Variants in ZC3HAV1 observed in about 807,000 individuals in gnomAD.
The protein encoded by ZC3HAV1 is zinc finger CCCH-type containing, antiviral 1, also known as zinc finger CCCH-type antiviral protein 1.
ZC3HAV1 carries 41 observed loss-of-function variants against 86.6 expected under a neutral mutation model. The ratio of observed to expected loss-of-function variants is 0.47; its 90% CI spans 0.37 to 0.61. ZC3HAV1 has a LOEUF of 0.61. ZC3HAV1 is among the 20% of genes least tolerant of loss of function. The pLI is 0.00. For missense variants in ZC3HAV1, 964 were observed against 1,141.1 expected, an observed-to-expected ratio of 0.84 and a Z score of 2.24; for synonymous variants, 421 against 432.1, an observed-to-expected ratio of 0.97 and a Z score of 0.32.
intron 12 of ZC3HAV1, chr7:139,049,389 G>C (rs911886405): frequency 1.3e-5 from 2 of 152,002 alleles, no homozygotes; most frequent in Non-Finnish European, 2.9e-5. Flanking sequence ...TTCTTCTTTT[G>C]AGAAATGTCT....
At chr7:139,066,772 A>C (rs1816617463) in intron 7 of ZC3HAV1, among the ~76,000 whole-genome samples, 1 of 152,116 alleles carries the variant, frequency 6.6e-6, no homozygotes, top group African/African-American at 2.4e-5. Context: ...CACTAGCTGA[A>C]TCGCTTCCCA....
At chr7:139,054,280 G>A (rs747914726) in intron 10 of ZC3HAV1, among the ~76,000 whole-genome samples, 185 bp from the exon 11 acceptor site, 1 of 152,124 alleles carries the variant, frequency 6.6e-6, no homozygotes, top group Non-Finnish European at 1.5e-5. Flanking sequence ...GAGAGGCAGC[G>A]GGCCTGTCTG....
At chr7:139,061,750 A>C (rs1460617962) in intron 8 of ZC3HAV1, among the ~76,000 whole-genome samples, 1 of 152,248 alleles carries the variant, frequency 6.6e-6, no homozygotes, top group Non-Finnish European at 1.5e-5. Flanking sequence ...CTGTATCCAC[A>C]CAAAGATGTG....
At position 139,104,721 on chromosome 7, in the gene ZC3HAV1, CAAAAAAA is replaced by C. The variant is rs1157897700; in HGVS notation, c.308+4296_308+4302del. Among the ~76,000 whole-genome samples the C allele has an allele frequency of 9.4e-4, 18 of 19,248 alleles. No individual in the cohort carries two copies. In the South Asian group the frequency reaches 0.013, roughly 14 times the overall value. The allele number at this position is 19,248 out of a possible 152,430, so 12.6% of individuals were successfully genotyped here. A position where few individuals can be genotyped will look rare whatever the true frequency, so the allele number is the denominator to read the frequency against. On this transcript the variant is annotated intron_variant, in intron 1 of 12. Coordinates refer to ENST00000242351, the MANE Select transcript of ZC3HAV1 (RefSeq NM_020119.4). The stretch of plus-strand genomic sequence containing the variant: ...CTGGCAACAGAGCGAGACTCTGTCA[CAAAAAAA>C]AAAAAAAAAAAAAAAAAAGTCAAAC...
chr7:139,054,052 C>CT lies in ZC3HAV1; in HGVS notation c.2230dup (p.Ser744LysfsTer2). Reference sequence around the variant, plus strand: ...TTTCATGGAAGCTTTAAAATGCTCACTTACTCTGACATATTCTGGATGTAG... The same window carrying CT: ...TTTCATGGAAGCTTTAAAATGCTCACTTTACTCTGACATATTCTGGATGTAG... On this transcript the variant is annotated frameshift_variant, in exon 11 of 13. Transcript: ENST00000242351. LOFTEE classifies it high-confidence loss of function. 1 of 1,605,770 alleles carries CT rather than the reference C, an allele frequency of 6.2e-7. No individual in the cohort carries two copies. The highest frequency in any genetic ancestry group is 8.5e-7 in the Non-Finnish European group (1 of 1,177,974).
chr7:139,105,075 A>ATGGT (rs1213507663), intron 1 of ZC3HAV1, among the ~76,000 whole-genome samples: 2 of 150,826 alleles, frequency 1.3e-5, no homozygotes, highest in African/African-American at 4.9e-5. Flanking sequence ...TTAGCCGGAC[A>ATGGT]TGGTGGCGCC....
At chr7:139,076,510 C>A in intron 5 of ZC3HAV1, 101 bp from the exon 6 acceptor site, 1 of 1,479,598 alleles carries the variant, frequency 6.8e-7, no homozygotes. Context: ...CTGCCCTGCC[C>A]CCTGCCAGAC....
intron 1 of ZC3HAV1, among the ~76,000 whole-genome samples, chr7:139,090,033 C>G (rs978457801): frequency 9.2e-5 from 14 of 152,106 alleles, no homozygotes; most frequent in Non-Finnish European, 1.8e-4. Context: ...AATCCTCCTG[C>G]CTCAGCCTCC....
At chr7:139,051,966 GTT>G (rs796648556) in intron 12 of ZC3HAV1, among the ~76,000 whole-genome samples, 1 of 147,566 alleles carries the variant, frequency 6.8e-6, no homozygotes, top group Non-Finnish European at 1.5e-5. Context: ...CTGATTCTTA[GTT>G]TTTTTTTTGT....
At position 139,109,164 on chromosome 7, in the gene ZC3HAV1, G is replaced by C; in HGVS notation, c.168C>G (p.Gly56=). The change falls in exon 1 of 13, where the codon GGC becomes GGG. Residue 56 remains glycine, a synonymous_variant. Transcript: ENST00000242351. ...CCACCGATCGGGTGATCCCGGCCTC[G>C]CCGCCGGTCTCCAACACCACAAAGC... ...PDRFVVLETG[G]EAGITRSVVA... is the part of the protein sequence containing the mutation. 1 of 1,596,652 alleles carries C rather than the reference G, an allele frequency of 6.3e-7. No homozygotes were observed.
rs113527656 is a variant in ZC3HAV1, at chr7:139,067,099, C to T, written c.1873-2100G>A. On this transcript the variant is annotated intron_variant, in intron 7 of 12. Transcript: ENST00000242351. Reference sequence around the variant, plus strand: ...TCTGTGGTGATGAAAATGTTCTCTGCGCTGTCCTATATGATATGTAGGGGA... The same window carrying T: ...TCTGTGGTGATGAAAATGTTCTCTGTGCTGTCCTATATGATATGTAGGGGA... 2.9e-3 allele frequency among the ~76,000 whole-genome samples: 436 copies of T among 152,202 alleles called. 2 individuals are homozygous for T. Among genetic ancestry groups the T allele is most frequent in the African/African-American group, 0.01 (430 of 41,518 alleles).
rs143317430 is a variant in ZC3HAV1, at chr7:139,078,560, G to A, written c.1565C>T (p.Pro522Leu). 1.6e-5 allele frequency: 25 copies of A among 1,593,126 alleles called. No homozygotes were observed. The highest frequency in any genetic ancestry group is 1.1e-4 in the Admixed American group (6 of 53,642). The change falls in exon 5 of 13, where the codon CCG (proline) becomes CTG (leucine). Residue 522 changes from proline to leucine, a missense_variant. Transcript: ENST00000242351. ...GTCCTTAGGTTACTCACCATTAAGC[G>A]GACAACCCTTACACAGATGGTCAAG... ...ICLDHLCKGCPLNGSCSKVHF... is the reference protein window; with the variant it reads ...ICLDHLCKGCLLNGSCSKVHF...
chr7:139,092,388 T>C (rs916647669), intron 1 of ZC3HAV1, among the ~76,000 whole-genome samples: 13 of 152,178 alleles, frequency 8.5e-5, no homozygotes, highest in African/African-American at 3.1e-4. Flanking sequence ...AGGGAGAGTC[T>C]AAAGACAGGG....
Position 139,083,778 on chromosome 7 carries a change from A to T in ZC3HAV1, c.697+2T>A. 1 of 1,598,540 alleles carries T rather than the reference A, an allele frequency of 6.3e-7. No homozygotes were observed. Among genetic ancestry groups the T allele is most frequent in the Non-Finnish European group, 8.5e-7 (1 of 1,171,202 alleles). On this transcript the variant is annotated splice_donor_variant, in intron 3 of 12. Transcript: ENST00000242351. LOFTEE classifies it high-confidence loss of function. The stretch of plus-strand genomic sequence containing the variant: ...CACAATTGAAAAAGAAAAGGCCTTT[A>T]CCTCTGGGCCCTGGGGGATTCTTCT...
intron 12 of ZC3HAV1, among the ~76,000 whole-genome samples, chr7:139,051,937 A>G (rs1253043938): frequency 6.6e-6 from 1 of 151,646 alleles, no homozygotes; most frequent in East Asian, 1.9e-4. Context: ...ATAAACTATT[A>G]CTTATTTCCT....
chr7:139,080,095 C>T lies in ZC3HAV1; in HGVS notation c.846G>A (p.Arg282=). The part of the protein sequence containing the change: ...CTPSPDQISH[R]ASLEDAPVDD... ...CCACAGGCGCGTCCTCCAGGGAAGC[C>T]CTGTGGCTGATCTGATCTGGACTAG... The change falls in exon 4 of 13, where the codon AGG becomes AGA. Residue 282 remains arginine (R), a synonymous_variant. Coordinates refer to ENST00000242351, the MANE Select transcript of ZC3HAV1 (RefSeq NM_020119.4). The T allele has an allele frequency of 6.2e-7, 1 of 1,614,098 alleles. No homozygotes were observed. The highest frequency in any genetic ancestry group is 8.5e-7 in the Non-Finnish European group (1 of 1,180,012).
chr7:139,054,921 G>A (rs552320517), intron 10 of ZC3HAV1, among the ~76,000 whole-genome samples: 18 of 152,276 alleles, frequency 1.2e-4, no homozygotes, highest in Non-Finnish European at 2.4e-4. Context: ...CCAAGTAGCT[G>A]GGACTACAGG....
chr7:139,087,371 G>T, intron 2 of ZC3HAV1, among the ~76,000 whole-genome samples: 1 of 151,958 alleles, frequency 6.6e-6, no homozygotes, highest in East Asian at 1.9e-4. Context: ...GACAGAGAGA[G>T]ACAGAGAAAG....
At position 139,089,666 on chromosome 7, in the gene ZC3HAV1, T is replaced by C; in HGVS notation, c.402A>G (p.Leu134=). The C allele has an allele frequency of 6.2e-7, 1 of 1,612,734 alleles. No individual in the cohort carries two copies. The highest frequency in any genetic ancestry group is 8.5e-7 in the Non-Finnish European group (1 of 1,179,488). ...GATCACTTTGGAGGAGGAGCACTGC[T>C]AATTCCTCTTTGTTCAGTCCAGAGA... is the stretch of plus-strand genomic sequence containing the variant. ...HELSGLNKEE[L]AVLLLQSDPF... is the part of the protein sequence containing the mutation. Residue 134 remains leucine (L), a synonymous_variant, in exon 2 of 13, where the codon TTA becomes TTG. Coordinates refer to ENST00000242351, the MANE Select transcript of ZC3HAV1 (RefSeq NM_020119.4).
Sources: gnomAD v4.1 joint callset for allele counts (sites outside exome capture counted in the v4.1 genomes callset) on GRCh38, gnomAD v4.1.1 for gene constraint, MANE v1.5 for transcripts, NCBI Gene and HGNC (gene_info 2026-07-23, HGNC 2026-07-21) for gene names.